The following GLRA3 variants were observed in gnomAD, a reference collection of about 807,000 sequenced individuals.
The protein encoded by GLRA3 is glycine receptor alpha 3.
A neutral mutation model predicts 60.4 loss-of-function variants in GLRA3; 44 were observed. The ratio of observed to expected loss-of-function variants is 0.73; its 90% CI spans 0.57 to 0.94. GLRA3 has a LOEUF of 0.94. GLRA3 is among the 40% of genes least tolerant of loss of function. GLRA3 has a pLI of 0.00. For synonymous variants in GLRA3, 223 were observed against 192.9 expected (o/e 1.16, Z -1.29); for missense variants, 508 against 564.6 (o/e 0.90, Z 1.02).
intron 1 of GLRA3, among the ~76,000 whole-genome samples, chr4:174,820,682 G>A (rs1430483638): frequency 2.0e-5 from 3 of 152,090 alleles, no homozygotes; most frequent in African/African-American, 7.2e-5. Flanking sequence ...TTTGATGCAG[G>A]ACATTTGGGT....
intron 9 of GLRA3, 104 bp from the exon 10 acceptor site, chr4:174,644,168 A>G (rs1219160760): frequency 2.9e-6 from 2 of 696,002 alleles, no homozygotes; most frequent in African/African-American, 3.6e-5. Flanking sequence ...TATTTACATT[A>G]ATATAAGGAA....
intron 1 of GLRA3, among the ~76,000 whole-genome samples, chr4:174,822,856 C>T (rs1481181535): frequency 3.3e-5 from 5 of 152,128 alleles, no homozygotes; most frequent in Non-Finnish European, 5.9e-5. Context: ...CTGTGCATCA[C>T]GTTGCCTACG....
chr4:174,659,709 C>T (rs190007680), intron 7 of GLRA3, among the ~76,000 whole-genome samples: 26 of 152,136 alleles, frequency 1.7e-4, no homozygotes, highest in African/African-American at 6.0e-4. Context: ...CAGTGGCTCA[C>T]GCCTGTAATC....
chr4:174,644,067 G>A lies in GLRA3; in HGVS notation c.1117-3C>T, dbSNP rs369604752. On this transcript the variant is annotated splice_region_variant and splice_polypyrimidine_tract_variant and intron_variant, in intron 9 of 9. Coordinates refer to ENST00000274093, the MANE Select transcript of GLRA3 (RefSeq NM_006529.4). ...CGGCTTTCCCTTACCTCATCATCCT[G>A]TCAAAGAAAAATGTGACAAGGCCCT... 1 of 1,585,882 alleles carries A rather than the reference G, an allele frequency of 6.3e-7. No individual in the cohort carries two copies. The highest frequency in any genetic ancestry group is 8.6e-7 in the Non-Finnish European group (1 of 1,161,280).
chr4:174,662,484 C>T (rs193162821), intron 7 of GLRA3, among the ~76,000 whole-genome samples: 11 of 152,294 alleles, frequency 7.2e-5, no homozygotes, highest in Non-Finnish European at 1.5e-4. Context: ...CAACACCCTA[C>T]ATTTTAAGAA....
chr4:174,647,371 C>A (rs746976467), intron 9 of GLRA3, among the ~76,000 whole-genome samples: 5 of 148,878 alleles, frequency 3.4e-5, no homozygotes, highest in Admixed American at 6.8e-5. Context: ...CGCGCCACTG[C>A]ACTCCAACCT....
chr4:174,729,617 A>T (rs558041579), intron 3 of GLRA3, among the ~76,000 whole-genome samples: 22 of 152,360 alleles, frequency 1.4e-4, no homozygotes, highest in African/African-American at 5.0e-4. Context: ...ACAGCTGAGT[A>T]TATGTGTAGT....
intron 4 of GLRA3, among the ~76,000 whole-genome samples, chr4:174,720,824 A>G (rs1299909449): frequency 6.6e-6 from 1 of 152,162 alleles, no homozygotes; most frequent in Admixed American, 6.5e-5. Context: ...TATAAGAATT[A>G]ATAGACAATT....
chr4:174,705,543 G>C (rs1002230810), intron 5 of GLRA3, among the ~76,000 whole-genome samples: 1 of 144,462 alleles, frequency 6.9e-6, no homozygotes, highest in Admixed American at 7.1e-5. Context: ...GACATGAGTT[G>C]AAAGTAGAAC....
intron 7 of GLRA3, among the ~76,000 whole-genome samples, chr4:174,660,543 T>C (rs2110893851): frequency 6.6e-6 from 1 of 152,326 alleles, no homozygotes; most frequent in Non-Finnish European, 1.5e-5. Context: ...AGGTAATGTC[T>C]GCTAGGTTGC....
chr4:174,809,796 G>A (rs949008217), intron 1 of GLRA3, among the ~76,000 whole-genome samples: 1 of 151,976 alleles, frequency 6.6e-6, no homozygotes. Flanking sequence ...CTCAGTATAA[G>A]GGAGGTAGGA....
chr4:174,705,903 T>C (rs1735496821), intron 5 of GLRA3, among the ~76,000 whole-genome samples: 4 of 152,148 alleles, frequency 2.6e-5, no homozygotes, highest in African/African-American at 4.8e-5. Context: ...GATGGTGATA[T>C]GTATTTTGAA....
chr4:174,796,769 T>A (rs1158375349), intron 1 of GLRA3, among the ~76,000 whole-genome samples: 1 of 152,120 alleles, frequency 6.6e-6, no homozygotes, highest in Non-Finnish European at 1.5e-5. Flanking sequence ...TCTCTTGATT[T>A]CGTGATCCAC....
At chr4:174,646,800 G>T (rs1285432671) in intron 9 of GLRA3, among the ~76,000 whole-genome samples, 1 of 152,126 alleles carries the variant, frequency 6.6e-6, no homozygotes, top group Admixed American at 6.6e-5. Context: ...TAAAGCCTAT[G>T]GGTGTTCTGA....
chr4:174,688,429 C>A (rs1304670359), intron 5 of GLRA3, among the ~76,000 whole-genome samples: 2 of 144,800 alleles, frequency 1.4e-5, no homozygotes, highest in East Asian at 4.1e-4. Flanking sequence ...CCTACTTTGT[C>A]CCCTAGAATT....
intron 9 of GLRA3, among the ~76,000 whole-genome samples, chr4:174,650,365 G>T (rs1022775267): frequency 6.6e-6 from 1 of 152,124 alleles, no homozygotes; most frequent in African/African-American, 2.4e-5. Context: ...GTCCCTCTGA[G>T]GTCTTAACAT....
intron 1 of GLRA3, among the ~76,000 whole-genome samples, chr4:174,798,477 C>A (rs1200650919): frequency 6.6e-6 from 1 of 152,148 alleles, no homozygotes; most frequent in Non-Finnish European, 1.5e-5. Context: ...ACTTGGTCAT[C>A]TGGGAATATG....
intron 7 of GLRA3, among the ~76,000 whole-genome samples, chr4:174,666,005 G>T (rs555992209): frequency 4.6e-5 from 7 of 152,252 alleles, no homozygotes; most frequent in African/African-American, 1.7e-4. Context: ...GAAATAACTT[G>T]CTTAAGGCCA....
In GLRA3 at chr4:174,657,344, G is replaced by A. The variant is rs1337010177; in HGVS notation, c.1072-557C>T. 2.0e-5 allele frequency among the ~76,000 whole-genome samples: 3 copies of A among 152,130 alleles called. No homozygotes were observed. In the East Asian group the frequency reaches 5.8e-4, roughly 29 times the overall value. ...TGAGCTTTCACAGTTTACCCATTTG[G>A]ACACCGGATGCACAATACTTCTCTT... is the stretch of plus-strand genomic sequence containing the variant. On this transcript the variant is annotated intron_variant, in intron 8 of 9. Transcript: ENST00000274093.
Sources: allele counts gnomAD v4.1 joint callset (sites outside exome capture counted in the v4.1 genomes callset), GRCh38; gene constraint gnomAD v4.1.1; transcripts MANE v1.5; gene names NCBI Gene and HGNC (gene_info 2026-07-23, HGNC 2026-07-21).